The following ELAVL4 variants were observed in gnomAD, a reference collection of about 807,000 sequenced individuals.
ELAVL4 encodes the protein ELAV-like protein 4.
Under a neutral mutation model 35.6 loss-of-function variants are expected in ELAVL4, and 1 was observed. The observed-to-expected ratio is 0.03, with a 90% CI of 0.01 to 0.13. ELAVL4 has a LOEUF of 0.13. ELAVL4 is among the 10% of genes least tolerant of loss of function. The probability of loss-of-function intolerance (pLI) is 1.00; values close to 1 mark genes in which losing one functional copy is unlikely to be tolerated. For synonymous variants in ELAVL4, 156 were observed against 171.0 expected, an observed-to-expected ratio of 0.91 and a Z score of 0.69; for missense variants, 267 against 464.9, an observed-to-expected ratio of 0.57 and a Z score of 3.91.
intron 1 of ELAVL4, among the ~76,000 whole-genome samples, chr1:50,089,770 A>G (rs1254871871): frequency 6.6e-6 from 1 of 152,130 alleles, no homozygotes; most frequent in Non-Finnish European, 1.5e-5. Context: ...CAAACAAACA[A>G]AAAACAAAAA....
chr1:50,086,173 C>T (rs773634114), intron 1 of ELAVL4, among the ~76,000 whole-genome samples: 5 of 151,818 alleles, frequency 3.3e-5, no homozygotes, highest in Non-Finnish European at 5.9e-5. Flanking sequence ...TAGGCCATTC[C>T]GTCAATATTT....
chr1:50,062,552 A>T (rs997304972), intron 1 of ELAVL4, among the ~76,000 whole-genome samples: 1 of 152,112 alleles, frequency 6.6e-6, no homozygotes, highest in African/African-American at 2.4e-5. Flanking sequence ...GTGCTACTTC[A>T]TGCCTGCCTT....
intron 1 of ELAVL4, among the ~76,000 whole-genome samples, chr1:50,139,443 T>C (rs1672447445): frequency 6.6e-6 from 1 of 152,174 alleles, no homozygotes. Context: ...AATTACAGGG[T>C]TGGGCTTCAT....
intron 1 of ELAVL4, among the ~76,000 whole-genome samples, chr1:50,090,419 G>A (rs1404939039): frequency 6.6e-6 from 1 of 152,026 alleles, no homozygotes; most frequent in Non-Finnish European, 1.5e-5. Flanking sequence ...GGGAGATGGT[G>A]ATGTAGTAAC....
chr1:50,113,276 G>A (rs1056364396), intron 1 of ELAVL4, among the ~76,000 whole-genome samples: 1 of 151,576 alleles, frequency 6.6e-6, no homozygotes, highest in African/African-American at 2.4e-5. Context: ...TTATAGGTGG[G>A]TTCTTTTCCT....
intron 1 of ELAVL4, among the ~76,000 whole-genome samples, chr1:50,083,500 G>GT (rs757645515): frequency 5.3e-5 from 8 of 152,268 alleles, no homozygotes; most frequent in Non-Finnish European, 1.2e-4. Flanking sequence ...CTTGAATCAG[G>GT]TATGTCTGAC....
At position 50,201,409 on chromosome 1, in the gene ELAVL4, A is replaced by C; in HGVS notation, c.*231A>C. 6.3e-6 allele frequency: 2 copies of C among 315,738 alleles called. No individual in the cohort carries two copies. The highest frequency in any genetic ancestry group is 5.5e-6 in the Non-Finnish European group (1 of 180,248). The allele number at this position is 315,738 out of a possible 1,614,324, so 19.6% of individuals were successfully genotyped here. On this transcript the variant is annotated 3_prime_UTR_variant, in exon 7 of 7. Coordinates refer to ENST00000371824, the MANE Select transcript of ELAVL4 (RefSeq NM_001144774.3). This position sits in a 1 kb window ranked among gnomAD's most constrained non-coding sequence, Gnocchi z 4.3. ...AAAAAAGAAAAAAAAAAAACAAAAAATACCTTTGATGCATTGAATGTTCTT... is the reference window on the plus strand; with the variant it reads ...AAAAAAGAAAAAAAAAAAACAAAAACTACCTTTGATGCATTGAATGTTCTT...
chr1:50,074,744 G>A (rs1664686108), intron 1 of ELAVL4, among the ~76,000 whole-genome samples: 1 of 152,184 alleles, frequency 6.6e-6, no homozygotes, highest in Non-Finnish European at 1.5e-5. Flanking sequence ...AGACACTAGA[G>A]GAAGGCAGGG....
At chr1:50,057,833 T>C (rs144382962) in intron 1 of ELAVL4, among the ~76,000 whole-genome samples, 12 of 152,338 alleles carry the variant, frequency 7.9e-5, no homozygotes, top group African/African-American at 2.9e-4. Context: ...TATAATATGA[T>C]GTCAAGTTAC....
chr1:50,141,167 A>G (rs960249949), intron 1 of ELAVL4, among the ~76,000 whole-genome samples: 8 of 152,188 alleles, frequency 5.3e-5, no homozygotes, highest in Admixed American at 5.2e-4. Flanking sequence ...CCTGACTATC[A>G]GGTGACCTTT....
At chr1:50,146,536 T>C (rs1001416109) in intron 2 of ELAVL4, among the ~76,000 whole-genome samples, 1 of 152,112 alleles carries the variant, frequency 6.6e-6, no homozygotes, top group African/African-American at 2.4e-5. Flanking sequence ...GTACAGCTAG[T>C]ATGCTTCAAG....
At chr1:50,137,503 G>A (rs1387423827) in intron 1 of ELAVL4, among the ~76,000 whole-genome samples, 12 of 150,394 alleles carry the variant, frequency 8.0e-5, no homozygotes, top group African/African-American at 2.9e-4. Context: ...GAGAGACCCA[G>A]TCAAAAAAAA....
intron 1 of ELAVL4, among the ~76,000 whole-genome samples, chr1:50,129,793 A>C (rs994722400): frequency 6.6e-6 from 1 of 152,158 alleles, no homozygotes; most frequent in African/African-American, 2.4e-5. Flanking sequence ...TAGATTAGTC[A>C]ACTTTGCCAC....
At chr1:50,062,592 G>A (rs144337507) in intron 1 of ELAVL4, among the ~76,000 whole-genome samples, 1 of 152,256 alleles carries the variant, frequency 6.6e-6, no homozygotes, top group East Asian at 1.9e-4. Context: ...AGCTTAGGAA[G>A]TGTTTGTTGA....
At chr1:50,188,446 C>G (rs1199157431) in intron 3 of ELAVL4, among the ~76,000 whole-genome samples, 1 of 152,208 alleles carries the variant, frequency 6.6e-6, no homozygotes, top group African/African-American at 2.4e-5. Flanking sequence ...AGGGGCCCAA[C>G]AAATGGCGTT....
exon 1 of ELAVL4, chr1:50,048,084 ACT>A (rs2148464948): frequency 2.1e-6 from 3 of 1,414,728 alleles, no homozygotes; most frequent in Non-Finnish European, 2.8e-6. Flanking sequence ...GAGCGGTGAG[ACT>A]CTGCGGACGT....
At chr1:50,153,670 C>T (rs568268047) in intron 2 of ELAVL4, among the ~76,000 whole-genome samples, 12 of 152,266 alleles carry the variant, frequency 7.9e-5, no homozygotes, top group Admixed American at 1.3e-4. Context: ...GGCAGCTGAG[C>T]GAAGCTTCAG....
intron 1 of ELAVL4, among the ~76,000 whole-genome samples, chr1:50,136,631 T>C (rs1190054061): frequency 6.6e-6 from 1 of 152,146 alleles, no homozygotes; most frequent in Non-Finnish European, 1.5e-5. Flanking sequence ...GTCTCAGGTG[T>C]ACACACCTGA....
At chr1:50,166,350 C>T (rs748005110) in intron 2 of ELAVL4, among the ~76,000 whole-genome samples, 1 of 152,128 alleles carries the variant, frequency 6.6e-6, no homozygotes, top group South Asian at 2.1e-4. Flanking sequence ...CATCCCCAAC[C>T]CAAATACCAT....
Sources: allele counts gnomAD v4.1 joint callset (sites outside exome capture counted in the v4.1 genomes callset), GRCh38; gene constraint gnomAD v4.1.1; non-coding constraint Gnocchi (gnomAD v3.1); transcripts MANE v1.5; gene names NCBI Gene and HGNC (gene_info 2026-07-23, HGNC 2026-07-21).